Variants in DNER observed in about 807,000 individuals in gnomAD.
DNER encodes the protein delta and Notch-like epidermal growth factor-related receptor.
DNER carries 33 observed loss-of-function variants against 78.2 expected under a neutral mutation model. That is an observed-to-expected ratio of 0.42 (90% CI 0.32 to 0.56). The LOEUF (loss-of-function observed/expected upper bound fraction) is 0.56, where lower values mean the gene tolerates loss of function less well. DNER is among the 20% of genes least tolerant of loss of function. The probability of loss-of-function intolerance (pLI) is 0.11; values close to 1 mark genes in which losing one functional copy is unlikely to be tolerated. For synonymous variants in DNER, 417 were observed against 384.8 expected (o/e 1.08, Z -0.98); for missense variants, 918 against 975.3 (o/e 0.94, Z 0.78).
chr2:229,542,838 C>T lies in DNER; in HGVS notation c.993+4109G>A, dbSNP rs139241481. ...GTTCCTGCCTTAGGGAGTTCAAGTC[C>T]CCCCAGACATTTCTCTCCAACTTAA... On this transcript the variant is annotated intron_variant, in intron 5 of 12. Transcript: ENST00000341772. Among the ~76,000 whole-genome samples, 1,106 of 151,954 alleles carry T rather than the reference C, an allele frequency of 7.3e-3. 7 individuals are homozygous for T. Among genetic ancestry groups the T allele is most frequent in the African/African-American group, 0.026 (1,057 of 41,414 alleles).
At chr2:229,499,166 C>T (rs948765219) in intron 6 of DNER, among the ~76,000 whole-genome samples, 1 of 152,092 alleles carries the variant, frequency 6.6e-6, no homozygotes, top group Non-Finnish European at 1.5e-5. Context: ...GGGAACAGGG[C>T]CAGGTGCAGT....
chr2:229,400,345 G>C (rs1018952314), intron 10 of DNER, among the ~76,000 whole-genome samples: 6 of 151,870 alleles, frequency 4.0e-5, no homozygotes, highest in Non-Finnish European at 8.8e-5. Flanking sequence ...CAGCTGAGAG[G>C]ACCTAAAAGC....
chr2:229,500,045 T>C (rs1695585232), intron 6 of DNER, among the ~76,000 whole-genome samples: 2 of 151,988 alleles, frequency 1.3e-5, no homozygotes, highest in Non-Finnish European at 2.9e-5. Flanking sequence ...GCGATTCTCC[T>C]GCCTCAGCCT....
At chr2:229,686,517 A>G (rs181687004) in intron 1 of DNER, among the ~76,000 whole-genome samples, 13 of 152,300 alleles carry the variant, frequency 8.5e-5, no homozygotes, top group African/African-American at 3.1e-4. Context: ...CAAACCCCAG[A>G]GACTTTATGG....
rs117222755 is a variant in DNER at position 229,558,441 on chromosome 2, C to T, written c.848-11349G>A. ...TCAAAAATGTCAAGGGTTCTTATAT[C>T]TTTTGTTATAAAAAGGCATTCTATC... On this transcript the variant is annotated intron_variant, in intron 4 of 12. Coordinates refer to ENST00000341772, the MANE Select transcript of DNER (RefSeq NM_139072.4). Among the ~76,000 whole-genome samples the T allele has an allele frequency of 6.5e-4, 99 of 152,228 alleles. No homozygotes were observed. In the East Asian group the frequency reaches 0.019, roughly 28 times the overall value.
rs983321433 is a variant in DNER, at chr2:229,565,997, T to C, written c.848-18905A>G. On this transcript the variant is annotated intron_variant, in intron 4 of 12. Coordinates refer to ENST00000341772, the MANE Select transcript of DNER (RefSeq NM_139072.4). Reference sequence around the variant, plus strand: ...CTCATATCCAATCACCCACCACATCTGGTCATTAATACTCAATGAATGCCT... The same window carrying C: ...CTCATATCCAATCACCCACCACATCCGGTCATTAATACTCAATGAATGCCT... Among the ~76,000 whole-genome samples, 10 of 152,172 alleles carry C rather than the reference T, an allele frequency of 6.6e-5. No homozygotes were observed. The East Asian group carries it at 1.9e-3, about 29-fold the overall frequency.
At chr2:229,647,586 A>G (rs2154216172) in intron 1 of DNER, among the ~76,000 whole-genome samples, 1 of 152,364 alleles carries the variant, frequency 6.6e-6, no homozygotes, top group African/African-American at 2.4e-5. Flanking sequence ...AATGTGCACA[A>G]AGGTTTTTAT....
chr2:229,453,957 C>T (rs1694516994), intron 7 of DNER, among the ~76,000 whole-genome samples: 1 of 144,028 alleles, frequency 6.9e-6, no homozygotes, highest in African/African-American at 2.6e-5. Context: ...GAAGAGAAAC[C>T]AGGAGAGAAA....
At chr2:229,424,559 C>T (rs568565450) in intron 8 of DNER, among the ~76,000 whole-genome samples, 7 of 152,270 alleles carry the variant, frequency 4.6e-5, no homozygotes, top group African/African-American at 1.4e-4. Flanking sequence ...GGCTTGCAGA[C>T]GGCCGCCTTC....
intron 11 of DNER, among the ~76,000 whole-genome samples, chr2:229,371,526 G>C (rs1432015759): frequency 1.3e-5 from 2 of 152,200 alleles, no homozygotes; most frequent in Non-Finnish European, 2.9e-5. Flanking sequence ...AGATTTGTTT[G>C]AGGTGTTGTA....
At chr2:229,541,976 T>C (rs951337538) in intron 5 of DNER, among the ~76,000 whole-genome samples, 1 of 147,304 alleles carries the variant, frequency 6.8e-6, no homozygotes, top group Admixed American at 6.8e-5. Context: ...ATTAATTATA[T>C]ACAATCTATA....
At chr2:229,416,529 G>A (rs1559345814) in intron 9 of DNER, among the ~76,000 whole-genome samples, 1 of 152,166 alleles carries the variant, frequency 6.6e-6, no homozygotes, top group Non-Finnish European at 1.5e-5. Flanking sequence ...AAAAATGGGG[G>A]GGCCAGCTCA....
intron 1 of DNER, among the ~76,000 whole-genome samples, chr2:229,614,210 TAAAATAA>T (rs2154215281): frequency 6.6e-6 from 1 of 151,374 alleles, no homozygotes; most frequent in Admixed American, 6.6e-5. Flanking sequence ...ATAATAATAA[TAAAATAA>T]AAAATAAAAA....
At chr2:229,397,713 T>C (rs1294680839) in intron 10 of DNER, among the ~76,000 whole-genome samples, 2 of 152,014 alleles carry the variant, frequency 1.3e-5, no homozygotes, top group Non-Finnish European at 2.9e-5. Context: ...ATATCTATGA[T>C]AAAAAGTAAC....
chr2:229,438,276 A>C (rs947169231), intron 8 of DNER, among the ~76,000 whole-genome samples: 2 of 152,230 alleles, frequency 1.3e-5, no homozygotes, highest in African/African-American at 4.8e-5. Context: ...GCCACCTTTC[A>C]TGCCAAGCTT....
intron 1 of DNER, among the ~76,000 whole-genome samples, chr2:229,614,036 G>GGA (rs1698103892): frequency 1.3e-5 from 2 of 151,232 alleles, no homozygotes; most frequent in Non-Finnish European, 2.9e-5. Context: ...TGGGGTGGGG[G>GGA]GGAGCGGGGA....
chr2:229,621,562 C>T (rs776501507), intron 1 of DNER, among the ~76,000 whole-genome samples: 23 of 151,756 alleles, frequency 1.5e-4, no homozygotes, highest in Non-Finnish European at 2.9e-4. Flanking sequence ...CACTCCTTGC[C>T]CTTTGGTTTT....
intron 12 of DNER, among the ~76,000 whole-genome samples, chr2:229,360,357 G>A (rs1211106809): frequency 2.0e-5 from 3 of 152,146 alleles, no homozygotes; most frequent in Non-Finnish European, 4.4e-5. Flanking sequence ...CTAATTATTC[G>A]ATTGGTTGGC....
At chr2:229,374,618 C>A (rs556972885) in intron 11 of DNER, among the ~76,000 whole-genome samples, 69 of 152,242 alleles carry the variant, frequency 4.5e-4, no homozygotes, top group African/African-American at 1.6e-3. Context: ...ATATAGGAAG[C>A]AACTGAGACT....
Sources: gnomAD v4.1 joint callset for allele counts (sites outside exome capture counted in the v4.1 genomes callset) on GRCh38, gnomAD v4.1.1 for gene constraint, MANE v1.5 for transcripts, NCBI Gene and HGNC (gene_info 2026-07-23, HGNC 2026-07-21) for gene names.